The following GFRAL variants were observed in gnomAD, a reference collection of about 807,000 sequenced individuals.
GFRAL encodes the protein GDNF family receptor alpha like.
In GFRAL, 36 loss-of-function variants were observed where a neutral mutation model predicts 45.4. The ratio of observed to expected loss-of-function variants is 0.79; its 90% confidence interval spans 0.61 to 1.05. The LOEUF (loss-of-function observed/expected upper bound fraction) is 1.05. Among genes scored for constraint, GFRAL ranks in the 50% least tolerant of loss-of-function variants. The pLI is 0.00. For synonymous variants in GFRAL, 166 were observed against 154.1 expected (o/e 1.08, Z -0.57); for missense variants, 507 against 467.5 (o/e 1.08, Z -0.78).
At chr6:55,379,663 G>A (rs560640638) in intron 6 of GFRAL, among the ~76,000 whole-genome samples, 1 of 151,572 alleles carries the variant, frequency 6.6e-6, no homozygotes, top group Non-Finnish European at 1.5e-5. Flanking sequence ...TCATTTTTGT[G>A]GTGAGAACAC....
At chr6:55,397,193 T>C (rs1173571606) in intron 6 of GFRAL, among the ~76,000 whole-genome samples, 3 of 152,120 alleles carry the variant, frequency 2.0e-5, no homozygotes, top group Non-Finnish European at 4.4e-5. Flanking sequence ...TAGATGGTAA[T>C]CCAATATGCA....
At chr6:55,395,861 T>C (rs963699568) in intron 6 of GFRAL, among the ~76,000 whole-genome samples, 12 of 152,050 alleles carry the variant, frequency 7.9e-5, no homozygotes, top group African/African-American at 2.7e-4. Flanking sequence ...CTAAATTTGT[T>C]CCTAATGCAA....
At position 55,346,040 on chromosome 6, in the gene GFRAL, A is replaced by C. The variant is rs529542542; in HGVS notation, c.317-4052A>C. ...GGCGATCATTAAAAAATCAGGAAAC[A>C]ACAGGTGCTGGAGAGGATGTGGAGA... On this transcript the variant is annotated intron_variant, in intron 3 of 8. Transcript: ENST00000340465. Among the ~76,000 whole-genome samples the C allele has an allele frequency of 2.1e-4, 32 of 152,262 alleles. No individual in the cohort carries two copies. In the South Asian group the frequency reaches 2.3e-3, roughly 11 times the overall value.
intron 6 of GFRAL, among the ~76,000 whole-genome samples, chr6:55,398,089 A>G (rs1452261684): frequency 1.3e-5 from 2 of 152,202 alleles, no homozygotes; most frequent in Admixed American, 6.5e-5. Context: ...ATGTTCACAC[A>G]AGCACAAAAT....
chr6:55,347,008 A>G (rs1768052640), intron 3 of GFRAL, among the ~76,000 whole-genome samples: 1 of 152,090 alleles, frequency 6.6e-6, no homozygotes. Context: ...AGAAAACAAA[A>G]CAGTATAAAT....
rs928577781 is a variant in GFRAL at position 55,391,738 on chromosome 6, C to T, written c.953-7442C>T. On this transcript the variant is annotated intron_variant, in intron 6 of 8. Transcript: ENST00000340465. The stretch of plus-strand genomic sequence containing the variant: ...TGGGCAACAAAGCAAGAACTTATCT[C>T]AATAAAAAAGGATAAAAACATTGAG... Among the ~76,000 whole-genome samples the T allele has an allele frequency of 3.3e-5, 5 of 152,048 alleles. No homozygotes were observed. The South Asian group carries it at 8.3e-4, about 25-fold the overall frequency.
At chr6:55,374,707 A>G (rs1768500672) in intron 6 of GFRAL, among the ~76,000 whole-genome samples, 2 of 152,102 alleles carry the variant, frequency 1.3e-5, no homozygotes, top group African/African-American at 4.8e-5. Context: ...GCCTGTGCCT[A>G]TATCCTGAAT....
chr6:55,342,485 G>A lies in GFRAL; in HGVS notation c.317-7607G>A, dbSNP rs188843079. ...AGAAAAGCAAATGCTGAGAGATTTTGTCACCACTAGGCCTGCCCTAAAAGA... is the reference window on the plus strand; with the variant it reads ...AGAAAAGCAAATGCTGAGAGATTTTATCACCACTAGGCCTGCCCTAAAAGA... On this transcript the variant is annotated intron_variant, in intron 3 of 8. Coordinates refer to ENST00000340465, the MANE Select transcript of GFRAL (RefSeq NM_207410.2). 3.9e-4 allele frequency among the ~76,000 whole-genome samples: 59 copies of A among 152,192 alleles called. 1 individual carries two copies. Among genetic ancestry groups the A allele is most frequent in the African/African-American group, 1.3e-3 (53 of 41,536 alleles).
chr6:55,397,079 G>A (rs1180586607), intron 6 of GFRAL, among the ~76,000 whole-genome samples: 4 of 151,962 alleles, frequency 2.6e-5, no homozygotes, highest in African/African-American at 7.3e-5. Flanking sequence ...GTCTTGCTAT[G>A]TTGGCCAGGC....
rs1768117236 is a variant in GFRAL, at chr6:55,351,521, C to T, written c.639C>T (p.Asn213=). 1.9e-6 allele frequency: 3 copies of T among 1,611,968 alleles called. No homozygotes were observed. The highest frequency in any genetic ancestry group is 1.3e-5 in the African/African-American group (1 of 74,868). The change falls in exon 5 of 9, where the codon AAC becomes AAT. Residue 213 remains asparagine, a synonymous_variant. Coordinates refer to ENST00000340465, the MANE Select transcript of GFRAL (RefSeq NM_207410.2). ...EALHSKTCAV[N]MVPPPTCLSV... is the part of the protein sequence containing the mutation. Reference sequence around the variant, plus strand: ...TTCACAGCAAGACATGTGCAGTGAACATGGTTCCACCCCCTACTTGCCTCA... The same window carrying T: ...TTCACAGCAAGACATGTGCAGTGAATATGGTTCCACCCCCTACTTGCCTCA...
At chr6:55,374,442 A>C (rs1389997285) in intron 6 of GFRAL, among the ~76,000 whole-genome samples, 2 of 150,720 alleles carry the variant, frequency 1.3e-5, no homozygotes, top group African/African-American at 4.9e-5. Flanking sequence ...GAGAAGTGTC[A>C]CTCCTTTCCT....
At chr6:55,359,182 C>CTATG in intron 6 of GFRAL, 44 bp downstream of exon 6, 4 of 1,520,678 alleles carry the variant, frequency 2.6e-6, no homozygotes, top group Non-Finnish European at 3.6e-6. Flanking sequence ...ATCTATCTAT[C>CTATG]TATCATCTAT....
At chr6:55,362,375 T>C (rs945725544) in intron 6 of GFRAL, among the ~76,000 whole-genome samples, 2 of 152,010 alleles carry the variant, frequency 1.3e-5, no homozygotes, top group East Asian at 1.9e-4. Context: ...ATAGTTCTGT[T>C]CTGAGAACTA....
intron 6 of GFRAL, among the ~76,000 whole-genome samples, chr6:55,396,284 TCCA>T (rs1192488562): frequency 7.9e-5 from 12 of 152,206 alleles, no homozygotes; most frequent in African/African-American, 2.9e-4. Flanking sequence ...GTTAATGAGT[TCCA>T]TGTGAGAGAA....
intron 6 of GFRAL, among the ~76,000 whole-genome samples, chr6:55,393,935 T>G (rs896587364): frequency 7.9e-5 from 12 of 152,172 alleles, no homozygotes; most frequent in Admixed American, 2.0e-4. Context: ...TTGAGATTAC[T>G]GGGGGTATTT....
At chr6:55,390,313 T>C (rs1037976985) in intron 6 of GFRAL, among the ~76,000 whole-genome samples, 1 of 152,206 alleles carries the variant, frequency 6.6e-6, no homozygotes, top group African/African-American at 2.4e-5. Flanking sequence ...TACACTAACA[T>C]GCAATTGTCA....
At chr6:55,387,153 T>C (rs1405304576) in intron 6 of GFRAL, among the ~76,000 whole-genome samples, 1 of 152,198 alleles carries the variant, frequency 6.6e-6, no homozygotes, top group Non-Finnish European at 1.5e-5. Context: ...ATTCACATTT[T>C]GGCATTACTA....
intron 6 of GFRAL, among the ~76,000 whole-genome samples, chr6:55,381,837 C>G (rs748436292): frequency 3.1e-4 from 47 of 152,006 alleles, no homozygotes; most frequent in Non-Finnish European, 6.3e-4. Flanking sequence ...CTCTCTCTCT[C>G]TTTCTTTCCC....
chr6:55,390,456 A>G (rs1433811980), intron 6 of GFRAL, among the ~76,000 whole-genome samples: 1 of 152,228 alleles, frequency 6.6e-6, no homozygotes, highest in East Asian at 1.9e-4. Context: ...TTTTATGGAA[A>G]AGATAAAAAC....
Sources: gnomAD v4.1 joint callset for allele counts (sites outside exome capture counted in the v4.1 genomes callset) on GRCh38, gnomAD v4.1.1 for gene constraint, MANE v1.5 for transcripts, NCBI Gene and HGNC (gene_info 2026-07-23, HGNC 2026-07-21) for gene names.